AGMO: variants seen among roughly 807,000 people sequenced by gnomAD.
AGMO encodes alkylglycerol monooxygenase.
In AGMO, 75 loss-of-function variants were observed where a neutral mutation model predicts 60.2. The observed-to-expected ratio is 1.25, with a 90% CI of 1.03 to 1.51. AGMO has a LOEUF of 1.51. Ranked by LOEUF, AGMO falls within the 40% of genes most tolerant of loss-of-function variation. The pLI is 0.00. For synonymous variants in AGMO, 261 were observed against 177.1 expected, an observed-to-expected ratio of 1.47 and a Z score of -3.76; for missense variants, 763 against 525.5, an observed-to-expected ratio of 1.45 and a Z score of -4.42.
At chr7:15,152,477 C>A in the AGMO span, among the ~76,000 whole-genome samples, 1 of 152,134 alleles carries the variant, frequency 6.6e-6, no homozygotes, top group African/African-American at 2.4e-5. Flanking sequence ...GTAGTCTAGT[C>A]TTTTGTCTCT....
intron 12 of AGMO, among the ~76,000 whole-genome samples, chr7:15,346,333 G>T (rs1464029848): frequency 6.6e-6 from 1 of 151,946 alleles, no homozygotes; most frequent in Admixed American, 6.6e-5. Context: ...AGCATTATTT[G>T]GTCTAGTCCC....
intron 12 of AGMO, among the ~76,000 whole-genome samples, chr7:15,238,261 T>C (rs966125307): frequency 2.0e-5 from 3 of 152,114 alleles, no homozygotes; most frequent in African/African-American, 7.2e-5. Context: ...TTAAAGAAAA[T>C]AATATTTCCA....
At chr7:15,325,513 CTGG>C (rs1394371036) in intron 12 of AGMO, among the ~76,000 whole-genome samples, 1 of 152,068 alleles carries the variant, frequency 6.6e-6, no homozygotes, top group Non-Finnish European at 1.5e-5. Flanking sequence ...TCCAAGCTAA[CTGG>C]TGAAGAATAA....
intron 3 of AGMO, among the ~76,000 whole-genome samples, chr7:15,509,144 A>C (rs971786872): frequency 2.0e-5 from 3 of 152,194 alleles, no homozygotes; most frequent in African/African-American, 4.8e-5. Context: ...TGGAAGACTA[A>C]GTAATATAAT....
chr7:15,288,533 CAG>C (rs1373473713), intron 12 of AGMO, among the ~76,000 whole-genome samples: 3 of 151,902 alleles, frequency 2.0e-5, no homozygotes, highest in South Asian at 2.1e-4. Flanking sequence ...CTTATAAAGG[CAG>C]AGTCTTTCAC....
intron 3 of AGMO, among the ~76,000 whole-genome samples, chr7:15,529,169 T>C (rs1233582098): frequency 1.3e-5 from 2 of 152,092 alleles, no homozygotes; most frequent in Non-Finnish European, 2.9e-5. Flanking sequence ...TATTGCTCAA[T>C]TTCTTAGGTA....
At chr7:15,548,675 C>A (rs1171071943) in intron 2 of AGMO, among the ~76,000 whole-genome samples, 1 of 151,946 alleles carries the variant, frequency 6.6e-6, no homozygotes, top group Non-Finnish European at 1.5e-5. Context: ...GTGAAAAGAC[C>A]AAATCTACGT....
rs1554274867 is a variant in AGMO, at chr7:15,459,599, T to TGTGTGTGTGTGTGTGTG, written c.410-28492_410-28491insCACACACACACACACAC. ...GATCTTTAAATGTGTGTATGTGCGT[T>TGTGTGTGTGTGTGTGTG]TGTGTGTGTGTGTGTGTGTGTGTGT... is the stretch of plus-strand genomic sequence containing the variant. On this transcript the variant is annotated intron_variant, in intron 3 of 12. Coordinates refer to ENST00000342526, the MANE Select transcript of AGMO (RefSeq NM_001004320.2). Among the ~76,000 whole-genome samples the TGTGTGTGTGTGTGTGTG allele has an allele frequency of 5.9e-3, 837 of 142,184 alleles. 14 individuals are homozygous for TGTGTGTGTGTGTGTGTG. Among genetic ancestry groups the TGTGTGTGTGTGTGTGTG allele is most frequent in the Admixed American group, 0.025 (364 of 14,382 alleles). The allele number at this position is 142,184 out of a possible 152,430, so 93.3% of individuals were successfully genotyped here.
chr7:15,421,059 G>C (rs1387219841), intron 4 of AGMO, among the ~76,000 whole-genome samples: 1 of 152,110 alleles, frequency 6.6e-6, no homozygotes, highest in Non-Finnish European at 1.5e-5. Flanking sequence ...TGGCGAGCAG[G>C]GGTTGTGTGA....
At chr7:15,511,034 A>G (rs1783658860) in intron 3 of AGMO, among the ~76,000 whole-genome samples, 2 of 152,066 alleles carry the variant, frequency 1.3e-5, no homozygotes, top group African/African-American at 4.8e-5. Context: ...AATGTTAAAC[A>G]TTGACATAAA....
At chr7:15,171,216 C>A in the AGMO span, among the ~76,000 whole-genome samples, 6 of 152,092 alleles carry the variant, frequency 3.9e-5, no homozygotes, top group African/African-American at 1.4e-4. Flanking sequence ...CTCCTGACCT[C>A]GTGATCCACC....
chr7:15,340,159 T>C lies in AGMO; in HGVS notation c.1263+25355A>G, dbSNP rs541824382. ...CTAAACTCAAAATTCATTTATGCTA[T>C]ATACACGTTATACACATAGCCTGAA... On this transcript the variant is annotated intron_variant, in intron 12 of 12. Transcript: ENST00000342526. 2.0e-5 allele frequency among the ~76,000 whole-genome samples: 3 copies of C among 152,330 alleles called. No individual in the cohort carries two copies. The East Asian group carries it at 5.8e-4, about 29-fold the overall frequency.
At position 15,465,138 on chromosome 7, in the gene AGMO, T is replaced by G. The variant is rs148699436; in HGVS notation, c.410-34030A>C. On this transcript the variant is annotated intron_variant, in intron 3 of 12. Transcript: ENST00000342526. ...TTACTCTGTGTGTTCTGTTTGGTTT[T>G]GTTTTTGAGTAGCCTTTATGCCCCT... Among the ~76,000 whole-genome samples the G allele has an allele frequency of 1.5e-3, 235 of 152,158 alleles. 3 individuals are homozygous for G. In the Middle Eastern group the frequency reaches 0.037, roughly 24 times the overall value.
the AGMO span, among the ~76,000 whole-genome samples, chr7:15,176,986 CACA>C: frequency 6.6e-6 from 1 of 152,002 alleles, no homozygotes; most frequent in Non-Finnish European, 1.5e-5. Context: ...TTTAATCTTT[CACA>C]ACTAGATGTC....
chr7:15,201,501 T>C (rs1781281245), intron 12 of AGMO, 142 bp from the exon 13 acceptor site: 1 of 600,912 alleles, frequency 1.7e-6, no homozygotes, highest in African/African-American at 1.9e-5. Flanking sequence ...CTAGCAATTG[T>C]TCACTGATAG....
At chr7:15,122,061 T>C in the AGMO span, among the ~76,000 whole-genome samples, 1 of 152,048 alleles carries the variant, frequency 6.6e-6, no homozygotes. Flanking sequence ...ACAAATGGGA[T>C]ATAATTAAAC....
At chr7:15,259,495 T>G (rs1332737954) in intron 12 of AGMO, among the ~76,000 whole-genome samples, 1 of 152,034 alleles carries the variant, frequency 6.6e-6, no homozygotes, top group Non-Finnish European at 1.5e-5. Flanking sequence ...GAGGGAATAA[T>G]TGAGGAAAAC....
chr7:15,522,576 T>C (rs923959236), intron 3 of AGMO, among the ~76,000 whole-genome samples: 2 of 151,468 alleles, frequency 1.3e-5, no homozygotes, highest in Non-Finnish European at 3.0e-5. Context: ...CTTTGACAAA[T>C]CTGATAAAAG....
At chr7:15,449,222 G>A (rs1271126996) in intron 3 of AGMO, among the ~76,000 whole-genome samples, 1 of 152,182 alleles carries the variant, frequency 6.6e-6, no homozygotes, top group African/African-American at 2.4e-5. Context: ...ATATACAGCT[G>A]AGACTTGATT....
Sources: allele counts gnomAD v4.1 joint callset (sites outside exome capture counted in the v4.1 genomes callset), GRCh38; gene constraint gnomAD v4.1.1; transcripts MANE v1.5; gene names NCBI Gene and HGNC (gene_info 2026-07-23, HGNC 2026-07-21).